Variants in SUMF1 observed in about 807,000 individuals in gnomAD.
SUMF1 encodes formylglycine-generating enzyme.
Under a neutral mutation model 47.6 loss-of-function variants are expected in SUMF1, and 48 were observed. That is an observed-to-expected ratio of 1.01 (90% CI 0.80 to 1.28). The LOEUF is 1.28. Among genes scored for constraint, SUMF1 ranks in the 50% most tolerant of loss-of-function variants. The pLI, the probability that SUMF1 is intolerant of heterozygous loss-of-function variation, is 0.00. For missense variants in SUMF1, 571 were observed against 485.4 expected, an observed-to-expected ratio of 1.18 and a Z score of -1.66; for synonymous variants, 230 against 192.1, an observed-to-expected ratio of 1.20 and a Z score of -1.63.
intron 8 of SUMF1, among the ~76,000 whole-genome samples, chr3:4,256,574 T>C (rs1696958814): frequency 1.4e-5 from 2 of 147,964 alleles, no homozygotes. Flanking sequence ...AGGAAGAAGT[T>C]GAATCTCTGA....
chr3:4,349,204 C>T lies in SUMF1; in HGVS notation c.1014+27126G>A, dbSNP rs116412001. Among the ~76,000 whole-genome samples, 733 of 152,258 alleles carry T rather than the reference C, an allele frequency of 4.8e-3. 7 individuals carry two copies. The highest frequency in any genetic ancestry group is 0.017 in the African/African-American group (707 of 41,544). On this transcript the variant is annotated intron_variant and NMD_transcript_variant, in intron 8 of 12. Transcript: ENST00000448413. ...AGAGTGGGTGAAGGATATGAACAAA[C>T]ACTTCTCAAGACATTTATGCAGCCA...
At chr3:4,241,084 G>C (rs1471168651) in intron 8 of SUMF1, among the ~76,000 whole-genome samples, 3 of 152,078 alleles carry the variant, frequency 2.0e-5, no homozygotes, top group Admixed American at 2.0e-4. Context: ...GTTTATTAGA[G>C]ATAGAATTTA....
In SUMF1 at chr3:4,417,179, G is replaced by A. The variant is rs373665011; in HGVS notation, c.789C>T (p.Gly263=). ...KGQHYANIWQ[G]EFPVTNTGED... is the part of the protein sequence containing the mutation. ...CACCAGTGTTGGTCACCGGAAACTC[G>A]CCCTGCCAAATGTTGGCATAATGCT... The change falls in exon 6 of 9, where the codon GGC becomes GGT. Residue 263 remains glycine (G), a synonymous_variant. Transcript: ENST00000272902. The A allele has an allele frequency of 2.4e-5, 39 of 1,613,810 alleles. No homozygotes were observed. The African/African-American group carries it at 3.5e-4, about 14-fold the overall frequency.
chr3:4,377,311 C>T (rs891357840), intron 7 of SUMF1, among the ~76,000 whole-genome samples: 4 of 151,644 alleles, frequency 2.6e-5, no homozygotes, highest in African/African-American at 9.7e-5. Flanking sequence ...ACAATCAAGA[C>T]ATACAACATG....
intron 8 of SUMF1, among the ~76,000 whole-genome samples, chr3:4,148,796 A>G (rs2125103289): frequency 6.6e-6 from 1 of 152,290 alleles, no homozygotes; most frequent in Middle Eastern, 3.4e-3. Flanking sequence ...TTCCTAAACT[A>G]GATCTCTATA....
chr3:4,417,571 C>T (rs754014664), intron 5 of SUMF1, among the ~76,000 whole-genome samples: 2 of 152,192 alleles, frequency 1.3e-5, no homozygotes, highest in Non-Finnish European at 1.5e-5. Context: ...CACCACCACA[C>T]CACACTTTTT....
intron 6 of SUMF1, among the ~76,000 whole-genome samples, chr3:4,411,912 A>C (rs1701556424): frequency 6.6e-6 from 1 of 152,168 alleles, no homozygotes; most frequent in African/African-American, 2.4e-5. Context: ...TGCTTTTTCC[A>C]GACTAAATGA....
intron 8 of SUMF1, among the ~76,000 whole-genome samples, chr3:4,235,954 T>C (rs983336667): frequency 6.6e-6 from 1 of 152,018 alleles, no homozygotes; most frequent in Non-Finnish European, 1.5e-5. Flanking sequence ...TGTACAATAA[T>C]TTTTTTGAGA....
intron 8 of SUMF1, among the ~76,000 whole-genome samples, chr3:4,129,769 G>A (rs1314904877): frequency 1.3e-5 from 2 of 152,100 alleles, no homozygotes; most frequent in Non-Finnish European, 2.9e-5. Flanking sequence ...CGTCATTGTG[G>A]TCCTCCAGTT....
At chr3:4,067,111 G>A (rs1013664140) in intron 9 of SUMF1, among the ~76,000 whole-genome samples, 2 of 152,126 alleles carry the variant, frequency 1.3e-5, no homozygotes, top group African/African-American at 4.8e-5. Context: ...AGCTCAGAAT[G>A]GCCAGAGGCA....
chr3:4,144,978 T>C (rs772832341), intron 8 of SUMF1, among the ~76,000 whole-genome samples: 2 of 151,996 alleles, frequency 1.3e-5, no homozygotes, highest in Non-Finnish European at 2.9e-5. Context: ...GGCAGGTGGA[T>C]CACGAGGTCA....
rs74837244 is a variant in SUMF1 at position 4,249,406 on chromosome 3, G to T, written c.1014+126924C>A. Among the ~76,000 whole-genome samples, 267 of 151,902 alleles carry T rather than the reference G, an allele frequency of 1.8e-3. 2 individuals carry two copies. The highest frequency in any genetic ancestry group is 6.1e-3 in the African/African-American group (254 of 41,424). On this transcript the variant is annotated intron_variant and NMD_transcript_variant, in intron 8 of 12. Transcript: ENST00000448413. ...CAGCATATGCTCACTTCATGTCTCT[G>T]TGTCACGTTTTGGTAATTCTCGCAA...
intron 8 of SUMF1, among the ~76,000 whole-genome samples, chr3:4,075,407 G>C (rs942424037): frequency 1.3e-5 from 2 of 152,002 alleles, no homozygotes; most frequent in African/African-American, 4.8e-5. Flanking sequence ...AAAACTGAAA[G>C]CATTCCCTTG....
chr3:4,135,024 G>C (rs1405953024), intron 8 of SUMF1, among the ~76,000 whole-genome samples: 4 of 152,118 alleles, frequency 2.6e-5, no homozygotes, highest in Admixed American at 2.6e-4. Flanking sequence ...TGGATTCACA[G>C]CCGAATTCTA....
chr3:4,171,342 G>C (rs1694828472), intron 8 of SUMF1, among the ~76,000 whole-genome samples: 1 of 152,094 alleles, frequency 6.6e-6, no homozygotes, highest in Admixed American at 6.5e-5. Context: ...TAGGTCTCCA[G>C]AACAGGCGAT....
chr3:4,111,031 A>T (rs1186191773), intron 8 of SUMF1, among the ~76,000 whole-genome samples: 8 of 151,904 alleles, frequency 5.3e-5, no homozygotes, highest in Non-Finnish European at 1.0e-4. Flanking sequence ...CAAAAAAAAA[A>T]AGGGAGAGAT....
At chr3:4,398,502 C>A (rs1701108138) in intron 7 of SUMF1, among the ~76,000 whole-genome samples, 1 of 151,998 alleles carries the variant, frequency 6.6e-6, no homozygotes, top group Admixed American at 6.6e-5. Flanking sequence ...AGAGAAAGAA[C>A]AAATGAGTCA....
chr3:4,256,864 A>C (rs1473568997), intron 8 of SUMF1, among the ~76,000 whole-genome samples: 2 of 135,786 alleles, frequency 1.5e-5, no homozygotes, highest in East Asian at 2.2e-4. Flanking sequence ...ATCCTCAATA[A>C]AATACTGGCA....
At chr3:4,406,596 G>C (rs1007442895) in intron 7 of SUMF1, among the ~76,000 whole-genome samples, 1 of 152,206 alleles carries the variant, frequency 6.6e-6, no homozygotes, top group Admixed American at 6.5e-5. Flanking sequence ...GGAGGCGGAG[G>C]TTGCAGTGAG....
Sources: gnomAD v4.1 joint callset for allele counts (sites outside exome capture counted in the v4.1 genomes callset) on GRCh38, gnomAD v4.1.1 for gene constraint, MANE v1.5 for transcripts, NCBI Gene and HGNC (gene_info 2026-07-23, HGNC 2026-07-21) for gene names.